ZNF423: variants seen among roughly 807,000 people sequenced by gnomAD.
The protein encoded by ZNF423 is zinc finger protein 423.
ZNF423 carries 12 observed loss-of-function variants against 95.8 expected under a neutral mutation model. The ratio of observed to expected loss-of-function variants is 0.13; its 90% CI spans 0.08 to 0.20. The LOEUF (loss-of-function observed/expected upper bound fraction) is 0.20, where lower values mean the gene tolerates loss of function less well. ZNF423 is among the 10% of genes least tolerant of loss of function. The pLI is 1.00. For missense variants in ZNF423, 1,316 were observed against 1,737.1 expected (o/e 0.76, Z 4.31); for synonymous variants, 749 against 711.9 (o/e 1.05, Z -0.83).
In ZNF423 at chr16:49,492,472, AGGCCGGGGCCGGGGCCGG is replaced by A. The variant is rs796834568; in HGVS notation, c.3850-1186_3850-1169del. ...TGCCAGTAGCCTCGCCCGGAGGCCGAGGCCGGGGCCGGGGCCGGGGCCGGGGCCGAGACGGGCCACTCC... is the reference window on the plus strand; with the variant it reads ...TGCCAGTAGCCTCGCCCGGAGGCCGAGGCCGGGGCCGAGACGGGCCACTCC... On this transcript the variant is annotated intron_variant, in intron 7 of 7. Coordinates refer to ENST00000563137, the MANE Select transcript of ZNF423 (RefSeq NM_001379286.1). This position sits in a 1 kb window ranked among gnomAD's most constrained non-coding sequence, Gnocchi z 4.2. Among the ~76,000 whole-genome samples the A allele has an allele frequency of 7.5e-4, 114 of 152,098 alleles. No homozygotes were observed. Among genetic ancestry groups the A allele is most frequent in the Non-Finnish European group, 1.5e-3 (99 of 67,940 alleles).
intron 3 of ZNF423, among the ~76,000 whole-genome samples, chr16:49,686,528 C>T (rs571478315): frequency 9.9e-5 from 15 of 152,254 alleles, no homozygotes; most frequent in Admixed American, 5.9e-4. Context: ...GGCCTGCGTA[C>T]GCCCCACACG....
At chr16:49,568,526 G>C (rs761813355) in intron 5 of ZNF423, among the ~76,000 whole-genome samples, 3 of 152,176 alleles carry the variant, frequency 2.0e-5, no homozygotes, top group Non-Finnish European at 4.4e-5. Context: ...TACAAGGTAT[G>C]TATGCCTCCT....
At chr16:49,834,735 C>G (rs1178507953) in intron 1 of ZNF423, among the ~76,000 whole-genome samples, 1 of 152,136 alleles carries the variant, frequency 6.6e-6, no homozygotes, top group Non-Finnish European at 1.5e-5. Context: ...GTGCCAGTCC[C>G]TGGGGCCGGG....
chr16:49,662,721 C>T (rs535481751), intron 3 of ZNF423, among the ~76,000 whole-genome samples: 26 of 152,228 alleles, frequency 1.7e-4, no homozygotes, highest in African/African-American at 4.8e-4. Flanking sequence ...GGTGACAAGG[C>T]GACACTTGAG....
intron 1 of ZNF423, among the ~76,000 whole-genome samples, chr16:49,833,948 G>T (rs2035089073): frequency 6.6e-6 from 1 of 152,198 alleles, no homozygotes; most frequent in South Asian, 2.1e-4. Context: ...CTGGAACTCA[G>T]GATGGAGCGA....
chr16:49,682,177 G>C (rs1363015327), intron 3 of ZNF423, among the ~76,000 whole-genome samples: 1 of 151,954 alleles, frequency 6.6e-6, no homozygotes, highest in Non-Finnish European at 1.5e-5. Flanking sequence ...CAGAGGGTCT[G>C]TCCTGCCTTT....
At chr16:49,545,098 G>A (rs1257698989) in intron 5 of ZNF423, among the ~76,000 whole-genome samples, 2 of 152,240 alleles carry the variant, frequency 1.3e-5, no homozygotes, top group Non-Finnish European at 2.9e-5. Context: ...ATCCAGGACC[G>A]AAATGCAACT....
At chr16:49,512,745 T>G (rs1967951244) in intron 7 of ZNF423, among the ~76,000 whole-genome samples, 1 of 152,192 alleles carries the variant, frequency 6.6e-6, no homozygotes, top group Admixed American at 6.5e-5. Context: ...GCAGCAGGTC[T>G]TACCCCATTT....
At chr16:49,552,960 A>AAAC (rs1969696845) in intron 5 of ZNF423, among the ~76,000 whole-genome samples, 1 of 152,170 alleles carries the variant, frequency 6.6e-6, no homozygotes, top group African/African-American at 2.4e-5. Context: ...AAGCAAGAAC[A>AAAC]AACAGGAGGC....
intron 3 of ZNF423, chr16:49,711,940 C>T (rs1230246393): frequency 6.6e-6 from 1 of 151,984 alleles, no homozygotes; most frequent in Admixed American, 6.6e-5. Flanking sequence ...GGTGAGACCT[C>T]GTCTCTAGAA....
At chr16:49,845,673 T>TGGGAC (rs2035237931) in intron 1 of ZNF423, among the ~76,000 whole-genome samples, 1 of 151,788 alleles carries the variant, frequency 6.6e-6, no homozygotes, top group African/African-American at 2.4e-5. Context: ...CCTAAGTAGC[T>TGGGAC]GGGACTACAG....
intron 3 of ZNF423, among the ~76,000 whole-genome samples, chr16:49,723,080 C>T (rs1260026892): frequency 1.3e-5 from 2 of 151,592 alleles, no homozygotes; most frequent in East Asian, 1.9e-4. Flanking sequence ...CTCAGCCTCC[C>T]GAGTAGCTGG....
intron 4 of ZNF423, among the ~76,000 whole-genome samples, chr16:49,634,266 T>C (rs1332544299): frequency 6.7e-6 from 1 of 149,164 alleles, no homozygotes; most frequent in Non-Finnish European, 1.5e-5. Flanking sequence ...TGGAATGCAA[T>C]GGTGTGATCA....
chr16:49,856,619 C>A (rs928483651), upstream of ZNF423, among the ~76,000 whole-genome samples: 1 of 151,304 alleles, frequency 6.6e-6, no homozygotes, highest in Admixed American at 6.6e-5. Context: ...CGGCTCGGGG[C>A]CCCTGGCTCA....
intron 3 of ZNF423, among the ~76,000 whole-genome samples, chr16:49,649,227 A>G (rs1401081162): frequency 1.3e-5 from 2 of 152,314 alleles, no homozygotes; most frequent in East Asian, 3.9e-4. Context: ...GCCATAGTGG[A>G]TGAGATCACT....
chr16:49,725,580 T>C (rs1335836760), intron 3 of ZNF423, among the ~76,000 whole-genome samples: 1 of 152,060 alleles, frequency 6.6e-6, no homozygotes. Flanking sequence ...GGGAGAGAGA[T>C]GGGTGAGAAA....
chr16:49,561,062 T>C (rs552820270), intron 5 of ZNF423, among the ~76,000 whole-genome samples: 1 of 152,332 alleles, frequency 6.6e-6, no homozygotes, highest in African/African-American at 2.4e-5. Context: ...CCTTTCTTTT[T>C]TTCTTAAACC....
chr16:49,695,712 C>T (rs2031944426), intron 3 of ZNF423, among the ~76,000 whole-genome samples: 1 of 152,262 alleles, frequency 6.6e-6, no homozygotes, highest in South Asian at 2.1e-4. Context: ...CAGGCGTGAG[C>T]CACCGCGCCA....
intron 5 of ZNF423, among the ~76,000 whole-genome samples, chr16:49,607,034 C>CAAAATGTTTTATGGTGAAACGT (rs1971559214): frequency 6.6e-6 from 1 of 150,942 alleles, no homozygotes; most frequent in Non-Finnish European, 1.5e-5. Context: ...AAAGAAGCCC[C>CAAAATGTTTTATGGTGAAACGT]AAAATGTTTT....
Sources: allele counts gnomAD v4.1 joint callset (sites outside exome capture counted in the v4.1 genomes callset), GRCh38; gene constraint gnomAD v4.1.1; non-coding constraint Gnocchi (gnomAD v3.1); transcripts MANE v1.5; gene names NCBI Gene and HGNC (gene_info 2026-07-23, HGNC 2026-07-21).